SPON2: variants seen among roughly 807,000 people sequenced by gnomAD.
The protein encoded by SPON2 is spondin 2, also known as spondin-2.
SPON2 carries 32 observed loss-of-function variants against 29.9 expected under a neutral mutation model. That is an observed-to-expected ratio of 1.07 (90% CI 0.81 to 1.44). The LOEUF (loss-of-function observed/expected upper bound fraction) is 1.44. Among genes scored for constraint, SPON2 ranks in the 40% most tolerant of loss-of-function variants. The probability of loss-of-function intolerance (pLI) is 0.00; values close to 1 mark genes in which losing one functional copy is unlikely to be tolerated. For missense variants in SPON2, 541 were observed against 455.5 expected (o/e 1.19, Z -1.71); for synonymous variants, 248 against 209.1 (o/e 1.19, Z -1.61).
At chr4:1,191,608 A>G (rs1037713140) in intron 1 of SPON2, among the ~76,000 whole-genome samples, 1 of 151,976 alleles carries the variant, frequency 6.6e-6, no homozygotes, top group Non-Finnish European at 1.5e-5. Context: ...CCTAGAGTGC[A>G]CTCCTTGGGA....
chr4:1,196,337 C>A (rs1728069540), upstream of SPON2, among the ~76,000 whole-genome samples: 1 of 152,252 alleles, frequency 6.6e-6, no homozygotes, highest in African/African-American at 2.4e-5. Flanking sequence ...CTCTGTCTGA[C>A]AGCATAGGGG....
At chr4:1,180,461 C>CA (rs1380715224) in intron 1 of SPON2, among the ~76,000 whole-genome samples, 3 of 152,084 alleles carry the variant, frequency 2.0e-5, no homozygotes, top group Non-Finnish European at 4.4e-5. Context: ...CATTTTTCAA[C>CA]AAAAAATTGT....
chr4:1,196,974 G>T (rs373894511), upstream of SPON2: 1 of 152,302 alleles, frequency 6.6e-6, no homozygotes, highest in East Asian at 1.9e-4. Context: ...CAGCATGTCT[G>T]GTTGGGCATG....
intron 1 of SPON2, among the ~76,000 whole-genome samples, chr4:1,182,158 A>G (rs1055506000): frequency 1.3e-5 from 2 of 152,210 alleles, no homozygotes; most frequent in Admixed American, 6.5e-5. Context: ...TTAGATTCAA[A>G]TGTCCGATTT....
chr4:1,196,400 C>T (rs549556585), upstream of SPON2, among the ~76,000 whole-genome samples: 7 of 152,316 alleles, frequency 4.6e-5, no homozygotes, highest in Admixed American at 1.3e-4. Flanking sequence ...TCATCTATAC[C>T]GTGGAAGCAG....
At chr4:1,171,225 G>GC (rs1320285520) in intron 3 of SPON2, 35 bp from the exon 4 acceptor site, 48 of 1,442,410 alleles carry the variant, frequency 3.3e-5, no homozygotes, top group East Asian at 5.7e-5. Flanking sequence ...CCTGGCCCCG[G>GC]CCCCCCGGAC....
At chr4:1,206,921 T>G (rs76832488) in intron 1 of SPON2, among the ~76,000 whole-genome samples, 1 of 122,664 alleles carries the variant, frequency 8.2e-6, no homozygotes, top group Non-Finnish European at 1.7e-5. Context: ...TGGGAGGAGA[T>G]AGGGACAGGA....
At chr4:1,192,830 G>T (rs1393752470) in intron 1 of SPON2, among the ~76,000 whole-genome samples, 1 of 152,226 alleles carries the variant, frequency 6.6e-6, no homozygotes, top group African/African-American at 2.4e-5. Flanking sequence ...CCACGGCCCA[G>T]CATCAAGCCC....
intron 1 of SPON2, among the ~76,000 whole-genome samples, chr4:1,194,162 C>T (rs1279288099): frequency 6.6e-6 from 1 of 152,126 alleles, no homozygotes; most frequent in Non-Finnish European, 1.5e-5. Flanking sequence ...GGGAGAGAGA[C>T]ACCCTCCGGC....
chr4:1,169,222 C>T (rs941797366), intron 5 of SPON2, among the ~76,000 whole-genome samples: 2 of 152,100 alleles, frequency 1.3e-5, no homozygotes, highest in Admixed American at 1.3e-4. Context: ...CCTCTCTGGA[C>T]CCTCTGCCCA....
chr4:1,201,387 T>C (rs1728201171), intron 1 of SPON2: 1 of 317,184 alleles, frequency 3.2e-6, no homozygotes. Flanking sequence ...TGGTCAGCAA[T>C]GCAGGCAGGT....
chr4:1,208,186 C>G (rs1047448562), upstream of SPON2: 1 of 152,330 alleles, frequency 6.6e-6, no homozygotes, highest in African/African-American at 2.4e-5. Context: ...GCAAGTCCAG[C>G]TGGGCTCTGG....
At chr4:1,204,515 G>C (rs1728291856) in intron 1 of SPON2, among the ~76,000 whole-genome samples, 1 of 152,136 alleles carries the variant, frequency 6.6e-6, no homozygotes, top group Admixed American at 6.5e-5. Flanking sequence ...CATTGTTACT[G>C]TGAGCGACCC....
At chr4:1,173,278 T>C (rs1357384916), upstream of SPON2, 1 of 152,398 alleles carries the variant, frequency 6.6e-6, no homozygotes, top group Non-Finnish European at 1.5e-5. Flanking sequence ...CAGAACAGCC[T>C]AGCGGTCTGC....
At chr4:1,194,929 CCG>C (rs1560210544) in intron 1 of SPON2, 11 of 144,098 alleles carry the variant, frequency 7.6e-5, no homozygotes, top group African/African-American at 2.6e-4. Flanking sequence ...GGCTCCAACC[CCG>C]CAGCCGGCGG....
At chr4:1,179,610 T>C (rs996681587) in intron 1 of SPON2, 4 of 152,168 alleles carry the variant, frequency 2.6e-5, no homozygotes, top group Admixed American at 1.3e-4. Context: ...GCAATCTATG[T>C]AGGGTTATTT....
intron 1 of SPON2, among the ~76,000 whole-genome samples, chr4:1,191,874 C>T (rs537682600): frequency 2.0e-5 from 3 of 152,340 alleles, no homozygotes; most frequent in African/African-American, 7.2e-5. Context: ...ATTCTACATT[C>T]AGGTACATAG....
At chr4:1,179,838 T>C (rs1727673151) in intron 1 of SPON2, among the ~76,000 whole-genome samples, 1 of 152,188 alleles carries the variant, frequency 6.6e-6, no homozygotes, top group South Asian at 2.1e-4. Flanking sequence ...AAGCTGTCTG[T>C]TTCTGACTTG....
At chr4:1,177,899 A>G (rs1727634003), upstream of SPON2, among the ~76,000 whole-genome samples, 1 of 152,156 alleles carries the variant, frequency 6.6e-6, no homozygotes, top group Non-Finnish European at 1.5e-5. Context: ...AGACTCCAGG[A>G]TCAGTTTCTG....
Sources: gnomAD v4.1 joint callset for allele counts (sites outside exome capture counted in the v4.1 genomes callset) on GRCh38, gnomAD v4.1.1 for gene constraint, MANE v1.5 for transcripts, NCBI Gene and HGNC (gene_info 2026-07-23, HGNC 2026-07-21) for gene names.